FREM1: variants seen among roughly 807,000 people sequenced by gnomAD.
FREM1 encodes FRAS1-related extracellular matrix protein 1.
Under a neutral mutation model 210.1 loss-of-function variants are expected in FREM1, and 220 were observed. That is an observed-to-expected ratio of 1.05 (90% CI 0.94 to 1.17). FREM1 has a LOEUF of 1.17. Among genes scored for constraint, FREM1 ranks in the 50% most tolerant of loss-of-function variants. The pLI, the probability that FREM1 is intolerant of heterozygous loss-of-function variation, is 0.00. For synonymous variants in FREM1, 1,189 were observed against 980.2 expected, an observed-to-expected ratio of 1.21 and a Z score of -3.98; for missense variants, 3,454 against 2,675.5, an observed-to-expected ratio of 1.29 and a Z score of -6.42.
At chr9:14,753,611 T>A (rs1449942743) in intron 29 of FREM1, among the ~76,000 whole-genome samples, 1 of 152,176 alleles carries the variant, frequency 6.6e-6, no homozygotes, top group African/African-American at 2.4e-5. Flanking sequence ...CTGTCTTCGG[T>A]TTTTCACTCT....
chr9:14,746,945 T>A lies in FREM1; in HGVS notation c.6116A>T (p.Lys2039Ile). The change falls in exon 34 of 37, where the codon AAA (lysine) becomes ATA (isoleucine). Residue 2039 changes from lysine to isoleucine, a missense_variant. Coordinates refer to ENST00000380880, the MANE Select transcript of FREM1 (RefSeq NM_001379081.2). Reference sequence around the variant, plus strand: ...TACCTTGGTTTGGGGACTCCAGGCTTTCCAGGCGATCCCATTGCACTGATA... The same window carrying A: ...TACCTTGGTTTGGGGACTCCAGGCTATCCAGGCGATCCCATTGCACTGATA... ...KLYQCNGIAWKAWSPQTKDVE... is the reference protein window; with the variant it reads ...KLYQCNGIAWIAWSPQTKDVE... 24 of 1,613,242 alleles carry A rather than the reference T, an allele frequency of 1.5e-5. No homozygotes were observed. The highest frequency in any genetic ancestry group is 2.0e-5 in the Non-Finnish European group (24 of 1,179,716).
intron 4 of FREM1, 85 bp downstream of exon 4, chr9:14,859,098 C>G: frequency 8.8e-7 from 1 of 1,133,340 alleles, no homozygotes; most frequent in South Asian, 1.8e-5. Flanking sequence ...TTAACTAGAA[C>G]TCTTCATCAT....
chr9:14,774,594 G>T (rs1848240312), intron 25 of FREM1, among the ~76,000 whole-genome samples: 1 of 150,316 alleles, frequency 6.7e-6, no homozygotes, highest in Non-Finnish European at 1.5e-5. Flanking sequence ...TATTTTACTA[G>T]TCAGAAAGTA....
Position 14,759,894 on chromosome 9 carries a change from G to T in FREM1, c.5212C>A (p.Leu1738Met), listed in dbSNP as rs138267253. ...GACCATTCAATATGAGACCACTTCA[G>T]TTCCAAACTGTGTGTGAAAGGAAAA... Reference protein sequence around the residue: ...GNSATPQILELKWSHIEWSQT... With the variant: ...GNSATPQILEMKWSHIEWSQT... Residue 1738 changes from leucine to methionine, a missense_variant, in exon 28 of 37, where the codon CTG becomes ATG. Coordinates refer to ENST00000380880, the MANE Select transcript of FREM1 (RefSeq NM_001379081.2). The T allele has an allele frequency of 3.0e-3, 4,899 of 1,608,330 alleles. 25 individuals are homozygous for T. Among genetic ancestry groups the T allele is most frequent in the Middle Eastern group, 0.012 (72 of 6,046 alleles).
Position 14,762,329 on chromosome 9 carries a change from A to G in FREM1, c.5205-2428T>C, listed in dbSNP as rs181831556. Among the ~76,000 whole-genome samples, 336 of 152,368 alleles carry G rather than the reference A, an allele frequency of 2.2e-3. 2 individuals are homozygous for G. The highest frequency in any genetic ancestry group is 3.4e-3 in the Middle Eastern group (1 of 294). ...ATCAGTAGGGTTCAAATGAGTTTCA[A>G]TGTCCAATTCTTCTGAGAATTCATC... On this transcript the variant is annotated intron_variant, in intron 27 of 36. Coordinates refer to ENST00000380880, the MANE Select transcript of FREM1 (RefSeq NM_001379081.2).
intron 3 of FREM1, among the ~76,000 whole-genome samples, chr9:14,860,992 CATATATAT>C (rs1346715560): frequency 8.1e-6 from 1 of 122,774 alleles, no homozygotes; most frequent in African/African-American, 3.6e-5. Flanking sequence ...CACATATATA[CATATATAT>C]ACACATATAT....
chr9:14,820,145 T>G (rs1379637174), intron 13 of FREM1, among the ~76,000 whole-genome samples: 3 of 152,222 alleles, frequency 2.0e-5, no homozygotes, highest in East Asian at 1.9e-4. Context: ...GAGCAATAAG[T>G]GTTCTATGGC....
At chr9:14,804,882 A>G (rs1276432085) in intron 19 of FREM1, 74 bp downstream of exon 19, 1 of 1,097,232 alleles carries the variant, frequency 9.1e-7, no homozygotes, top group East Asian at 2.4e-5. Context: ...CACTTGGAGC[A>G]ATGTAAATGG....
rs189394625 is a variant in FREM1 at position 14,843,938 on chromosome 9, G to A, written c.1394-1278C>T. Among the ~76,000 whole-genome samples the A allele has an allele frequency of 8.5e-5, 13 of 152,294 alleles. No homozygotes were observed. In the East Asian group the frequency reaches 1.9e-3, roughly 23 times the overall value. Reference sequence around the variant, plus strand: ...AAATCCCAGTTCTGCCATTTTCTAGGTGTGCAACCTTAGATAAATCAGTTG... The same window carrying A: ...AAATCCCAGTTCTGCCATTTTCTAGATGTGCAACCTTAGATAAATCAGTTG... On this transcript the variant is annotated intron_variant, in intron 8 of 36. Coordinates refer to ENST00000380880, the MANE Select transcript of FREM1 (RefSeq NM_001379081.2).
intron 1 of FREM1, among the ~76,000 whole-genome samples, chr9:14,872,820 T>C (rs200528789): frequency 7.9e-5 from 12 of 151,992 alleles, no homozygotes; most frequent in Middle Eastern, 3.4e-3. Context: ...ATAGATAGCT[T>C]TTATTATTTT....
At chr9:14,894,187 T>G (rs1837316982) in intron 1 of FREM1, among the ~76,000 whole-genome samples, 1 of 152,260 alleles carries the variant, frequency 6.6e-6, no homozygotes. Flanking sequence ...TTCTTAGGGC[T>G]GTATTTATAT....
At chr9:14,797,242 C>G (rs1388133326) in intron 21 of FREM1, among the ~76,000 whole-genome samples, 1 of 152,192 alleles carries the variant, frequency 6.6e-6, no homozygotes, top group Non-Finnish European at 1.5e-5. Context: ...ACTGTGTGTT[C>G]AGTCATTCTT....
intron 27 of FREM1, among the ~76,000 whole-genome samples, chr9:14,765,099 T>G (rs754229924): frequency 2.0e-5 from 3 of 152,248 alleles, no homozygotes; most frequent in Admixed American, 6.5e-5. Flanking sequence ...TCCTTATAAC[T>G]ATATCTTCAT....
chr9:14,806,573 C>A (rs1167714716), intron 18 of FREM1, 88 bp downstream of exon 18: 6 of 818,924 alleles, frequency 7.3e-6, no homozygotes, highest in East Asian at 5.3e-5. Context: ...TTTTGAAAGT[C>A]CTTACAAAGT....
At chr9:14,797,960 A>G (rs1852754835) in intron 20 of FREM1, among the ~76,000 whole-genome samples, 1 of 152,178 alleles carries the variant, frequency 6.6e-6, no homozygotes, top group Admixed American at 6.5e-5. Flanking sequence ...TATTTGGGGA[A>G]AATTATAGAG....
intron 10 of FREM1, among the ~76,000 whole-genome samples, chr9:14,826,955 T>C (rs991577839): frequency 5.9e-5 from 9 of 152,188 alleles, no homozygotes; most frequent in Non-Finnish European, 8.8e-5. Flanking sequence ...CTATTATTTA[T>C]ACATTACCCA....
chr9:14,756,247 G>C, intron 29 of FREM1, 127 bp downstream of exon 29: 1 of 675,714 alleles, frequency 1.5e-6, no homozygotes, highest in Non-Finnish European at 2.5e-6. Context: ...AGGTGGTATG[G>C]CTCCCTGAGG....
At chr9:14,823,597 T>C (rs1487640234) in intron 12 of FREM1, among the ~76,000 whole-genome samples, 1 of 151,840 alleles carries the variant, frequency 6.6e-6, no homozygotes, top group East Asian at 1.9e-4. Flanking sequence ...ACTTCTAGCC[T>C]CCAGGACTAT....
intron 1 of FREM1, among the ~76,000 whole-genome samples, chr9:14,893,353 T>A (rs578013306): frequency 6.6e-6 from 1 of 152,338 alleles, no homozygotes; most frequent in East Asian, 1.9e-4. Context: ...TACCTCAGGA[T>A]AGAATGCGGG....
Sources: gnomAD v4.1 joint callset for allele counts (sites outside exome capture counted in the v4.1 genomes callset) on GRCh38, gnomAD v4.1.1 for gene constraint, MANE v1.5 for transcripts, NCBI Gene and HGNC (gene_info 2026-07-23, HGNC 2026-07-21) for gene names.